Variants in GRIK2 observed in about 807,000 individuals in gnomAD.
GRIK2 encodes glutamate ionotropic receptor kainate type subunit 2.
A neutral mutation model predicts 100.3 loss-of-function variants in GRIK2; 32 were observed. That is an observed-to-expected ratio of 0.32 (90% CI 0.24 to 0.43). GRIK2 has a LOEUF of 0.43. GRIK2 is among the 20% of genes least tolerant of loss of function. The pLI, the probability that GRIK2 is intolerant of heterozygous loss-of-function variation, is 1.00. For synonymous variants in GRIK2, 417 were observed against 389.4 expected, an observed-to-expected ratio of 1.07 and a Z score of -0.83; for missense variants, 843 against 1,114.9, an observed-to-expected ratio of 0.76 and a Z score of 3.47.
chr6:101,584,985 A>T (rs1268976239), intron 2 of GRIK2, among the ~76,000 whole-genome samples: 1 of 152,018 alleles, frequency 6.6e-6, no homozygotes, highest in East Asian at 1.9e-4. Flanking sequence ...TTAGTAAACC[A>T]GCATTTCTCA....
chr6:101,727,018 C>T (rs1417340395), intron 7 of GRIK2, among the ~76,000 whole-genome samples: 4 of 151,996 alleles, frequency 2.6e-5, no homozygotes, highest in Admixed American at 2.6e-4. Flanking sequence ...CCCTAACTTG[C>T]ATTTTTCTCT....
chr6:101,600,001 C>T (rs1257110331), intron 2 of GRIK2, among the ~76,000 whole-genome samples: 1 of 151,662 alleles, frequency 6.6e-6, no homozygotes, highest in Non-Finnish European at 1.5e-5. Flanking sequence ...AATGATGTTA[C>T]CTAGGTTTTC....
At chr6:102,011,776 C>T (rs1007818363) in intron 14 of GRIK2, among the ~76,000 whole-genome samples, 3 of 151,408 alleles carry the variant, frequency 2.0e-5, no homozygotes, top group Non-Finnish European at 4.4e-5. Context: ...TTACTAGAGA[C>T]GGGGTTTCAC....
At chr6:101,467,757 T>C (rs1771724309) in intron 2 of GRIK2, among the ~76,000 whole-genome samples, 1 of 152,132 alleles carries the variant, frequency 6.6e-6, no homozygotes, top group Admixed American at 6.6e-5. Context: ...GTGAAACATC[T>C]ACATACAAAC....
intron 14 of GRIK2, among the ~76,000 whole-genome samples, 183 bp from the exon 15 acceptor site, chr6:102,035,158 A>G (rs1487406237): frequency 1.3e-5 from 2 of 148,996 alleles, no homozygotes; most frequent in South Asian, 2.1e-4. Flanking sequence ...AGAAATTGCT[A>G]TGAGACAGTC....
chr6:101,698,823 T>C (rs1284487962), intron 7 of GRIK2, among the ~76,000 whole-genome samples: 7 of 152,170 alleles, frequency 4.6e-5, no homozygotes, highest in Admixed American at 4.6e-4. Context: ...GAGAAATGTA[T>C]ATAGAAAACA....
intron 2 of GRIK2, among the ~76,000 whole-genome samples, chr6:101,579,472 T>TTTTTTC (rs889755533): frequency 6.6e-6 from 1 of 151,132 alleles, no homozygotes; most frequent in Non-Finnish European, 1.5e-5. Flanking sequence ...GCTTTCTCTC[T>TTTTTTC]TTTTTCTTTT....
intron 2 of GRIK2, among the ~76,000 whole-genome samples, chr6:101,466,734 A>G (rs1771667929): frequency 6.6e-6 from 1 of 152,162 alleles, no homozygotes; most frequent in African/African-American, 2.4e-5. Flanking sequence ...CAGCAATTTC[A>G]GGCAACCACA....
intron 7 of GRIK2, among the ~76,000 whole-genome samples, chr6:101,712,755 C>G (rs1392859991): frequency 1.3e-5 from 2 of 151,748 alleles, no homozygotes; most frequent in African/African-American, 4.8e-5. Context: ...CTAGAAAATT[C>G]TTGCTCAAAT....
At chr6:101,510,891 G>A (rs1003831163) in intron 2 of GRIK2, among the ~76,000 whole-genome samples, 2 of 152,024 alleles carry the variant, frequency 1.3e-5, no homozygotes, top group African/African-American at 4.8e-5. Flanking sequence ...TACCAGGCAG[G>A]CAATAAATAA....
chr6:101,795,513 C>T (rs1030519679), intron 7 of GRIK2, among the ~76,000 whole-genome samples: 2 of 152,150 alleles, frequency 1.3e-5, no homozygotes, highest in Non-Finnish European at 2.9e-5. Flanking sequence ...TGTTGGGCCT[C>T]CAGGAAGCTT....
intron 4 of GRIK2, among the ~76,000 whole-genome samples, chr6:101,641,963 T>C (rs983279094): frequency 6.6e-6 from 1 of 151,982 alleles, no homozygotes; most frequent in Admixed American, 6.6e-5. Flanking sequence ...TGGTATTGTT[T>C]GCATTTTTCT....
At chr6:101,718,225 A>C (rs1562331786) in intron 7 of GRIK2, among the ~76,000 whole-genome samples, 1 of 151,856 alleles carries the variant, frequency 6.6e-6, no homozygotes, top group Non-Finnish European at 1.5e-5. Flanking sequence ...AAGAAAAATA[A>C]AGAGAAATCA....
intron 14 of GRIK2, 63 bp from the exon 15 acceptor site, chr6:102,035,278 A>G: frequency 1.2e-6 from 1 of 844,400 alleles, no homozygotes; most frequent in Admixed American, 2.0e-5. Flanking sequence ...TCTAAGCATT[A>G]TAGGAGCACA....
At chr6:101,859,548 C>T in intron 11 of GRIK2, 55 bp downstream of exon 11, 2 of 985,140 alleles carry the variant, frequency 2.0e-6, no homozygotes, top group Non-Finnish European at 3.2e-6. Context: ...AAGGTTTACT[C>T]TTTTGTTGAT....
chr6:101,881,626 A>G (rs185159758), intron 11 of GRIK2, among the ~76,000 whole-genome samples: 1 of 151,828 alleles, frequency 6.6e-6, no homozygotes, highest in African/African-American at 2.4e-5. Flanking sequence ...TAACTTGTCT[A>G]GTGCATTAAA....
intron 14 of GRIK2, among the ~76,000 whole-genome samples, chr6:102,020,262 T>C (rs1347539463): frequency 1.3e-5 from 2 of 151,932 alleles, no homozygotes; most frequent in East Asian, 3.9e-4. Flanking sequence ...AAATCAGTGA[T>C]ACATGTTAAA....
chr6:101,889,325 C>A (rs1786879024), intron 11 of GRIK2, among the ~76,000 whole-genome samples: 1 of 151,660 alleles, frequency 6.6e-6, no homozygotes, highest in Admixed American at 6.6e-5. Flanking sequence ...AGTCTAGTAG[C>A]ATAATTCATG....
intron 16 of GRIK2, chr6:102,064,023 C>G: frequency 6.6e-7 from 1 of 1,520,538 alleles, no homozygotes; most frequent in Non-Finnish European, 9.1e-7. Context: ...TCTTTTGAAA[C>G]TTACTAAAAG....
Sources: allele counts gnomAD v4.1 joint callset (sites outside exome capture counted in the v4.1 genomes callset), GRCh38; gene constraint gnomAD v4.1.1; transcripts MANE v1.5; gene names NCBI Gene and HGNC (gene_info 2026-07-23, HGNC 2026-07-21).